Variants in TAF4B observed in about 807,000 individuals in gnomAD.
The protein encoded by TAF4B is transcription initiation factor TFIID subunit 4B.
In TAF4B, 38 loss-of-function variants were observed where a neutral mutation model predicts 86.4. That is an observed-to-expected ratio of 0.44 (90% CI 0.34 to 0.58). The LOEUF is 0.58. Among genes scored for constraint, TAF4B ranks in the 20% least tolerant of loss-of-function variants. TAF4B has a pLI of 0.02. For missense variants in TAF4B, 988 were observed against 1,027.6 expected, an observed-to-expected ratio of 0.96 and a Z score of 0.53; for synonymous variants, 388 against 391.2, an observed-to-expected ratio of 0.99 and a Z score of 0.10.
chr18:26,338,598 C>T (rs1174710093), intron 13 of TAF4B, among the ~76,000 whole-genome samples: 3 of 150,834 alleles, frequency 2.0e-5, no homozygotes, highest in Non-Finnish European at 4.4e-5. Flanking sequence ...CCTGCCTCAG[C>T]CTCCTGAGTA....
intron 14 of TAF4B, among the ~76,000 whole-genome samples, chr18:26,384,679 TA>T (rs1394562362): frequency 1.3e-5 from 2 of 152,224 alleles, no homozygotes; most frequent in Non-Finnish European, 2.9e-5. Context: ...GAGCTAGAAT[TA>T]CACTGTTTCC....
rs1402160265 is a variant in TAF4B at position 26,391,209 on chromosome 18, C to T, written c.*1197C>T. 1 of 147,808 alleles carries T rather than the reference C, an allele frequency of 6.8e-6. No individual in the cohort carries two copies. Among genetic ancestry groups the T allele is most frequent in the Non-Finnish European group, 1.5e-5 (1 of 67,282 alleles). The allele number at this position is 147,808 out of a possible 1,614,324, so 9.2% of individuals were successfully genotyped here. On this transcript the variant is annotated 3_prime_UTR_variant, in exon 15 of 15. Coordinates refer to ENST00000269142, the MANE Select transcript of TAF4B (RefSeq NM_005640.3). The stretch of plus-strand genomic sequence containing the variant: ...GAAGCTGACGGACAAAGCAAACCCT[C>T]TTTAAAAAAAAAAAAAAGAAAATTC...
At chr18:26,273,408 T>A (rs1409776828) in intron 3 of TAF4B, among the ~76,000 whole-genome samples, 1 of 152,210 alleles carries the variant, frequency 6.6e-6, no homozygotes, top group Admixed American at 6.5e-5. Context: ...TGTACACATA[T>A]GTAATATGTA....
At chr18:26,361,316 G>T (rs1226209544) in intron 14 of TAF4B, among the ~76,000 whole-genome samples, 1 of 148,160 alleles carries the variant, frequency 6.7e-6, no homozygotes, top group Non-Finnish European at 1.5e-5. Flanking sequence ...TAGAGACAAG[G>T]GTCTCACTAT....
chr18:26,313,907 A>G (rs1393844013), intron 9 of TAF4B, among the ~76,000 whole-genome samples: 3 of 152,008 alleles, frequency 2.0e-5, no homozygotes, highest in Admixed American at 2.0e-4. Flanking sequence ...ACCTAAAGCA[A>G]TCCTCCCACC....
At chr18:26,231,342 GGGGTTTTT>G (rs1167334375) in intron 1 of TAF4B, among the ~76,000 whole-genome samples, 15 of 30,930 alleles carry the variant, frequency 4.8e-4, no homozygotes, top group East Asian at 3.5e-3. Context: ...CCAGCTGCTT[GGGGTTTTT>G]TTTTTTTTTT....
Position 26,279,126 on chromosome 18 carries a change from T to TA in TAF4B, c.883-2842dup, listed in dbSNP as rs1050532894. ...ATATGATTCTATGCCTAGGAAATCT[T>TA]AAAGACTCTGCCAAAAGGCTTCTAG... is the stretch of plus-strand genomic sequence containing the variant. On this transcript the variant is annotated intron_variant, in intron 5 of 14. Coordinates refer to ENST00000269142, the MANE Select transcript of TAF4B (RefSeq NM_005640.3). Among the ~76,000 whole-genome samples the TA allele has an allele frequency of 4.6e-5, 7 of 152,146 alleles. No homozygotes were observed. In the South Asian group the frequency reaches 6.2e-4, roughly 14 times the overall value.
At chr18:26,251,097 A>G (rs2056000016) in intron 1 of TAF4B, among the ~76,000 whole-genome samples, 1 of 152,238 alleles carries the variant, frequency 6.6e-6, no homozygotes, top group Non-Finnish European at 1.5e-5. Context: ...AAGTGTTTCC[A>G]GTCCTATGGA....
rs140903244 is a variant in TAF4B, at chr18:26,354,473, T to G, written c.2317-3217T>G. Among the ~76,000 whole-genome samples the G allele has an allele frequency of 6.6e-5, 10 of 152,336 alleles. No individual in the cohort carries two copies. In the East Asian group the frequency reaches 1.9e-3, roughly 29 times the overall value. On this transcript the variant is annotated intron_variant, in intron 13 of 14. Transcript: ENST00000269142. ...GAGGCTGGAAGATGGGGCCTTATCA[T>G]CAGATGTTGGATGGAACAAATAGTA...
intron 7 of TAF4B, among the ~76,000 whole-genome samples, chr18:26,290,440 T>C (rs1004043158): frequency 6.6e-6 from 1 of 152,200 alleles, no homozygotes; most frequent in Admixed American, 6.5e-5. Flanking sequence ...AATTATATAG[T>C]TGTTTTGAAA....
chr18:26,328,716 T>C (rs2057027290), intron 12 of TAF4B, among the ~76,000 whole-genome samples: 1 of 151,968 alleles, frequency 6.6e-6, no homozygotes, highest in Non-Finnish European at 1.5e-5. Context: ...GCCTCCCAGG[T>C]TCCAGCAATT....
intron 14 of TAF4B, among the ~76,000 whole-genome samples, chr18:26,369,632 G>C (rs1487065361): frequency 6.6e-6 from 1 of 152,246 alleles, no homozygotes; most frequent in Non-Finnish European, 1.5e-5. Flanking sequence ...GCATGGGCTG[G>C]CACAGGCATT....
intron 14 of TAF4B, among the ~76,000 whole-genome samples, chr18:26,378,735 A>T (rs1598841433): frequency 6.6e-6 from 1 of 152,142 alleles, no homozygotes; most frequent in Non-Finnish European, 1.5e-5. Flanking sequence ...GCAATTACTG[A>T]TCTAATTTCT....
chr18:26,307,582 A>T (rs550487500), intron 9 of TAF4B, among the ~76,000 whole-genome samples: 1 of 152,346 alleles, frequency 6.6e-6, no homozygotes, highest in African/African-American at 2.4e-5. Context: ...GATAATATCT[A>T]TATACTATAT....
intron 14 of TAF4B, among the ~76,000 whole-genome samples, chr18:26,381,401 C>T (rs1404372405): frequency 6.6e-6 from 1 of 151,840 alleles, no homozygotes; most frequent in Non-Finnish European, 1.5e-5. Context: ...TGAATTAATA[C>T]CACTTCACAC....
At chr18:26,258,970 A>T (rs997850215) in intron 1 of TAF4B, among the ~76,000 whole-genome samples, 8 of 151,306 alleles carry the variant, frequency 5.3e-5, no homozygotes, top group African/African-American at 1.9e-4. Flanking sequence ...AAGTGCTGGG[A>T]TTACAAGTCA....
At chr18:26,366,936 T>C (rs564261341) in intron 14 of TAF4B, among the ~76,000 whole-genome samples, 1 of 152,348 alleles carries the variant, frequency 6.6e-6, no homozygotes, top group South Asian at 2.1e-4. Flanking sequence ...TGTAAGATCA[T>C]ACTATTGTTT....
intron 1 of TAF4B, among the ~76,000 whole-genome samples, chr18:26,255,063 T>TA (rs1232778373): frequency 2.0e-5 from 3 of 152,054 alleles, no homozygotes; most frequent in African/African-American, 7.2e-5. Context: ...CCAGCCACCT[T>TA]AAAAAATGCC....
intron 14 of TAF4B, among the ~76,000 whole-genome samples, chr18:26,361,136 G>A (rs959998240): frequency 3.3e-5 from 5 of 151,364 alleles, no homozygotes; most frequent in African/African-American, 4.9e-5. Context: ...ACACATTCAC[G>A]TTGTTGAAAA....
Sources: allele counts gnomAD v4.1 joint callset (sites outside exome capture counted in the v4.1 genomes callset), GRCh38; gene constraint gnomAD v4.1.1; transcripts MANE v1.5; gene names NCBI Gene and HGNC (gene_info 2026-07-23, HGNC 2026-07-21).